NCOR1: variants seen among roughly 807,000 people sequenced by gnomAD.
NCOR1 encodes nuclear receptor corepressor 1, also known as protein phosphatase 1, regulatory subunit 109.
Under a neutral mutation model 288.1 loss-of-function variants are expected in NCOR1, and 63 were observed. That is an observed-to-expected ratio of 0.22 (90% confidence interval 0.18 to 0.27). The LOEUF (loss-of-function observed/expected upper bound fraction) is 0.27. Ranked by LOEUF, NCOR1 falls within the 10% of genes least tolerant of loss-of-function variation. The pLI is 1.00. For synonymous variants in NCOR1, 1,007 were observed against 1,065.9 expected, an observed-to-expected ratio of 0.94 and a Z score of 1.08; for missense variants, 2,397 against 3,019.2, an observed-to-expected ratio of 0.79 and a Z score of 4.83.
intron 18 of NCOR1, among the ~76,000 whole-genome samples, chr17:16,109,925 G>A (rs1463259269): frequency 2.0e-5 from 3 of 152,098 alleles, no homozygotes; most frequent in Non-Finnish European, 2.9e-5. Flanking sequence ...GTAGAGACGG[G>A]GTTTCACCAT....
At chr17:16,202,397 T>A (rs1370248704) in intron 1 of NCOR1, among the ~76,000 whole-genome samples, 2 of 142,526 alleles carry the variant, frequency 1.4e-5, no homozygotes, top group Non-Finnish European at 3.0e-5. Flanking sequence ...CAAGACTTCA[T>A]CTCAAAAAAA....
Position 16,071,393 on chromosome 17 carries a change from G to C in NCOR1, c.4152+16C>G. The stretch of plus-strand genomic sequence containing the variant: ...TAAATATCAGTTACTGACAAAAAGA[G>C]CCAAAACTTAGTTACCTGGGAAATG... On this transcript the variant is annotated intron_variant, in intron 30 of 45. Transcript: ENST00000268712. The C allele has an allele frequency of 6.2e-7, 1 of 1,603,094 alleles. No homozygotes were observed.
In NCOR1 at chr17:16,039,554, T is replaced by A. The variant is rs1290753263; in HGVS notation, c.6834A>T (p.Lys2278Asn). Reference protein sequence around the residue: ...RKALMGSFDDKVEDHGVVMSQ... With the variant: ...RKALMGSFDDNVEDHGVVMSQ... The stretch of plus-strand genomic sequence containing the variant: ...ACATGACAACTCCATGATCCTCAAC[T>A]TTGTCATCAAAGCTTCCCATGAGAG... Residue 2278 changes from lysine (K) to asparagine (N), a missense_variant, in exon 44 of 46, where the codon AAA becomes AAT. Transcript: ENST00000268712. 2 of 1,614,180 alleles carry A rather than the reference T, an allele frequency of 1.2e-6. No individual in the cohort carries two copies. The highest frequency in any genetic ancestry group is 2.2e-5 in the South Asian group (2 of 91,086).
chr17:16,080,192 GTTTGT>G, intron 25 of NCOR1, 128 bp from the exon 26 acceptor site: 1 of 833,092 alleles, frequency 1.2e-6, no homozygotes, highest in East Asian at 2.7e-5. Flanking sequence ...AACCCATCAT[GTTTGT>G]TTTATTAAAA....
chr17:16,122,453 A>T (rs1437944827), intron 15 of NCOR1, among the ~76,000 whole-genome samples: 1 of 152,188 alleles, frequency 6.6e-6, no homozygotes, highest in Non-Finnish European at 1.5e-5. Context: ...GTCACCAATG[A>T]CTTGCAAACT....
intron 41 of NCOR1, among the ~76,000 whole-genome samples, chr17:16,048,019 A>T (rs1337278739): frequency 6.6e-6 from 1 of 152,260 alleles, no homozygotes; most frequent in Non-Finnish European, 1.5e-5. Context: ...GCTCCCTAAG[A>T]ATAAATGCAA....
intron 42 of NCOR1, among the ~76,000 whole-genome samples, chr17:16,043,783 C>CA (rs1597745054): frequency 6.6e-6 from 1 of 152,164 alleles, no homozygotes; most frequent in African/African-American, 2.4e-5. Flanking sequence ...AAATTGAAAA[C>CA]AAGAGTATAT....
intron 1 of NCOR1, among the ~76,000 whole-genome samples, chr17:16,209,438 T>C (rs4792725): frequency 0.023 from 3,475 of 152,164 alleles, 91 homozygotes; most frequent in African/African-American, 0.056. Flanking sequence ...ATAAATTTTA[T>C]AGGCCAGGCA....
intron 4 of NCOR1, 51 bp downstream of exon 4, chr17:16,171,752 A>C: frequency 7.0e-7 from 1 of 1,423,942 alleles, no homozygotes; most frequent in Non-Finnish European, 9.3e-7. Context: ...AGTATAACTA[A>C]ATAAACATTA....
intron 1 of NCOR1, among the ~76,000 whole-genome samples, chr17:16,212,815 T>C (rs1039903592): frequency 2.6e-5 from 4 of 152,036 alleles, no homozygotes; most frequent in African/African-American, 9.7e-5. Context: ...CTCACCCCTA[T>C]CATCCTAGCA....
At position 16,070,349 on chromosome 17, in the gene NCOR1, G is replaced by A. The variant is rs138703984; in HGVS notation, c.4329C>T (p.Thr1443=). The A allele has an allele frequency of 2.0e-4, 320 of 1,614,114 alleles. No individual in the cohort carries two copies. In the African/African-American group the frequency reaches 3.8e-3, roughly 19 times the overall value. Residue 1443 remains threonine (T), a synonymous_variant, in exon 31 of 46, where the codon ACC becomes ACT. Coordinates refer to ENST00000268712, the MANE Select transcript of NCOR1 (RefSeq NM_006311.4). The part of the protein sequence containing the change: ...GKYEDVKAGE[T]VRSRHTSVVS... Reference sequence around the variant, plus strand: ...CCACTGACGTGTGCCGGGAACGCACGGTCTCGCCTGCTTTCACATCCTCAT... The same window carrying A: ...CCACTGACGTGTGCCGGGAACGCACAGTCTCGCCTGCTTTCACATCCTCAT...
intron 14 of NCOR1, among the ~76,000 whole-genome samples, chr17:16,134,598 G>A (rs960472174): frequency 9.9e-5 from 15 of 152,168 alleles, no homozygotes; most frequent in African/African-American, 3.4e-4. Flanking sequence ...ACAGAGAGGA[G>A]TGAAACTGTG....
At chr17:16,148,676 A>AAC (rs2078377283) in intron 9 of NCOR1, among the ~76,000 whole-genome samples, 2 of 149,130 alleles carry the variant, frequency 1.3e-5, no homozygotes, top group Non-Finnish European at 3.0e-5. Flanking sequence ...AAAAAAAAAA[A>AAC]AAAAAAAAAA....
intron 14 of NCOR1, among the ~76,000 whole-genome samples, chr17:16,126,531 C>G (rs917090518): frequency 6.6e-6 from 1 of 152,118 alleles, no homozygotes; most frequent in African/African-American, 2.4e-5. Flanking sequence ...CATTCCAATT[C>G]TACCTTAAAA....
chr17:16,092,695 A>ATATATATATATTTT (rs1567961490), intron 21 of NCOR1, among the ~76,000 whole-genome samples: 1 of 22,602 alleles, frequency 4.4e-5, no homozygotes, highest in Non-Finnish European at 6.9e-5. Context: ...ATATATATAT[A>ATATATATATATTTT]TTTTTTTTTT....
intron 11 of NCOR1, among the ~76,000 whole-genome samples, chr17:16,142,728 G>T (rs1280247745): frequency 6.6e-6 from 1 of 152,146 alleles, no homozygotes; most frequent in Non-Finnish European, 1.5e-5. Flanking sequence ...TGTAAACTGA[G>T]ACTAGACATT....
At chr17:16,052,146 C>A (rs1187387654) in intron 40 of NCOR1, among the ~76,000 whole-genome samples, 2 of 151,728 alleles carry the variant, frequency 1.3e-5, no homozygotes, top group South Asian at 2.1e-4. Flanking sequence ...GTAACTGGAA[C>A]TACAGATAGA....
At chr17:16,080,139 TG>T in intron 25 of NCOR1, 75 bp from the exon 26 acceptor site, 3 of 1,242,422 alleles carry the variant, frequency 2.4e-6, no homozygotes, top group Non-Finnish European at 3.5e-6. Context: ...AGCCCCTACT[TG>T]GGAGAGTACT....
At chr17:16,151,750 G>T in intron 8 of NCOR1, 196 bp downstream of exon 8, 1 of 1,050,488 alleles carries the variant, frequency 9.5e-7, no homozygotes, top group Non-Finnish European at 1.4e-6. Flanking sequence ...TCATTTTTTG[G>T]CCTCGGAAAC....
Sources: gnomAD v4.1 joint callset for allele counts (sites outside exome capture counted in the v4.1 genomes callset) on GRCh38, gnomAD v4.1.1 for gene constraint, MANE v1.5 for transcripts, NCBI Gene and HGNC (gene_info 2026-07-23, HGNC 2026-07-21) for gene names.